KLKB1: variants seen among roughly 807,000 people sequenced by gnomAD.
The protein encoded by KLKB1 is kallikrein B1.
In KLKB1, 58 loss-of-function variants were observed where a neutral mutation model predicts 73.6. The ratio of observed to expected loss-of-function variants is 0.79; its 90% CI spans 0.64 to 0.98. The LOEUF (loss-of-function observed/expected upper bound fraction) is 0.98, where lower values mean the gene tolerates loss of function less well. Among genes scored for constraint, KLKB1 ranks in the 50% least tolerant of loss-of-function variants. The pLI, the probability that KLKB1 is intolerant of heterozygous loss-of-function variation, is 0.00. For synonymous variants in KLKB1, 280 were observed against 258.1 expected (o/e 1.08, Z -0.81); for missense variants, 737 against 763.8 (o/e 0.96, Z 0.41).
intron 11 of KLKB1, among the ~76,000 whole-genome samples, chr4:186,253,948 G>C (rs1250604198): frequency 6.6e-6 from 1 of 152,080 alleles, no homozygotes; most frequent in Non-Finnish European, 1.5e-5. Context: ...CGATTCTCCT[G>C]CCTCAGCCTC....
chr4:186,250,779 GT>G lies in KLKB1; in HGVS notation c.758+380del, dbSNP rs4253374. On this transcript the variant is annotated intron_variant, in intron 7 of 14. Coordinates refer to ENST00000264690, the MANE Select transcript of KLKB1 (RefSeq NM_000892.5). ...CTTAAGCTTGTTGCCTCTTCTCTTT[GT>G]TTCAGAAACTAGAGCCCTGTTTATT... Among the ~76,000 whole-genome samples, 1,372 of 152,220 alleles carry G rather than the reference GT, an allele frequency of 9.0e-3. 21 individuals are homozygous for G. The highest frequency in any genetic ancestry group is 0.031 in the African/African-American group (1,299 of 41,528).
chr4:186,220,043 A>G (rs1736998824), intron 2 of KLKB1, among the ~76,000 whole-genome samples: 1 of 152,184 alleles, frequency 6.6e-6, no homozygotes, highest in South Asian at 2.1e-4. Context: ...GTTTAATGGA[A>G]TCCTTGTTGT....
Position 186,251,264 on chromosome 4 carries a change from C to G in KLKB1, c.804C>G (p.Ser268=). Reference sequence around the variant, plus strand: ...CATCTGAAAGTGGCACACCAAGTTCCTCTACTCCTCAAGAAAACACCATAT... The same window carrying G: ...CATCTGAAAGTGGCACACCAAGTTCGTCTACTCCTCAAGAAAACACCATAT... ...LKTSESGTPS[S]STPQENTISG... is the part of the protein sequence containing the mutation. The change falls in exon 8 of 15, where the codon TCC becomes TCG. Residue 268 remains serine (S), a synonymous_variant. Coordinates refer to ENST00000264690, the MANE Select transcript of KLKB1 (RefSeq NM_000892.5). 1 of 1,612,428 alleles carries G rather than the reference C, an allele frequency of 6.2e-7. No homozygotes were observed. The highest frequency in any genetic ancestry group is 8.5e-7 in the Non-Finnish European group (1 of 1,178,684).
In KLKB1 at chr4:186,258,243, A is replaced by G. The variant is rs1188506289; in HGVS notation, c.*31A>G. 3 of 1,595,824 alleles carry G rather than the reference A, an allele frequency of 1.9e-6. No homozygotes were observed. In the Admixed American group the frequency reaches 5.1e-5, roughly 27 times the overall value. On this transcript the variant is annotated 3_prime_UTR_variant, in exon 15 of 15. Transcript: ENST00000264690. ...AGTCCAGAGTCTAGGCAATTTTTACAACCTGAGTTCAAGTCAAATTCTGAG... is the reference window on the plus strand; with the variant it reads ...AGTCCAGAGTCTAGGCAATTTTTACGACCTGAGTTCAAGTCAAATTCTGAG...
At chr4:186,221,926 T>C (rs1330766979), upstream of KLKB1, among the ~76,000 whole-genome samples, 1 of 152,226 alleles carries the variant, frequency 6.6e-6, no homozygotes, top group African/African-American at 2.4e-5. Flanking sequence ...ATTTGCTTTA[T>C]AGATTTAGAT....
At chr4:186,219,137 A>G (rs1371207007) in intron 2 of KLKB1, among the ~76,000 whole-genome samples, 1 of 152,130 alleles carries the variant, frequency 6.6e-6, no homozygotes, top group Non-Finnish European at 1.5e-5. Flanking sequence ...GGCAGCTGAG[A>G]TGGTGCCCAC....
At chr4:186,215,135 G>C (rs1736854515) in intron 2 of KLKB1, among the ~76,000 whole-genome samples, 1 of 151,944 alleles carries the variant, frequency 6.6e-6, no homozygotes, top group South Asian at 2.1e-4. Context: ...GATCTTATCG[G>C]GAAGAAAAAT....
rs1041364548 is a variant in KLKB1, at chr4:186,232,140, A to G, written c.72A>G (p.Gln24=). The change falls in exon 3 of 15, where the codon CAA becomes CAG. Residue 24 remains glutamine, a synonymous_variant. Coordinates refer to ENST00000264690, the MANE Select transcript of KLKB1 (RefSeq NM_000892.5). ...GTTCTGTCACAGGATGTCTGACTCA[A>G]CTCTATGAAAACGCCTTCTTCAGAG... ...FATVSCGCLT[Q]LYENAFFRGG... is the part of the protein sequence containing the mutation. The G allele has an allele frequency of 1.2e-6, 2 of 1,611,814 alleles. No homozygotes were observed. Among genetic ancestry groups the G allele is most frequent in the African/African-American group, 1.3e-5 (1 of 74,836 alleles).
At chr4:186,236,304 T>G (rs4253252) in intron 4 of KLKB1, among the ~76,000 whole-genome samples, 85,010 of 151,996 alleles carry the variant, frequency 0.56, 24,148 homozygotes, top group East Asian at 0.68. Flanking sequence ...TAATGATTGA[T>G]CTGGATGCAA....
upstream of KLKB1, among the ~76,000 whole-genome samples, chr4:186,225,177 G>A (rs1230520254): frequency 6.6e-6 from 1 of 152,100 alleles, no homozygotes; most frequent in Non-Finnish European, 1.5e-5. Flanking sequence ...GTGTGAAACT[G>A]GACTAATACA....
At position 186,252,186 on chromosome 4, in the gene KLKB1, GTA is replaced by G; in HGVS notation, c.1313+2_1313+3del. 6.2e-7 allele frequency: 1 copy of G among 1,613,464 alleles called. No homozygotes were observed. Among genetic ancestry groups the G allele is most frequent in the Non-Finnish European group, 8.5e-7 (1 of 1,179,920 alleles). Reference sequence around the variant, plus strand: ...TCACTGCTGCCCACTGCTTTGATGGGTAAGTGTTGGATGCATCTCATCCAGAG... The same window carrying G: ...TCACTGCTGCCCACTGCTTTGATGGGAGTGTTGGATGCATCTCATCCAGAG... On this transcript the variant is annotated splice_donor_variant and splice_donor_region_variant and intron_variant, in intron 11 of 14. Transcript: ENST00000264690. LOFTEE classifies it high-confidence loss of function.
intron 2 of KLKB1, among the ~76,000 whole-genome samples, chr4:186,220,685 T>A (rs960561419): frequency 6.6e-6 from 1 of 152,344 alleles, no homozygotes; most frequent in South Asian, 2.1e-4. Context: ...ATCCTTTTAA[T>A]GTGTTGTTGA....
chr4:186,219,226 A>C (rs1736977798), intron 2 of KLKB1, among the ~76,000 whole-genome samples: 2 of 152,118 alleles, frequency 1.3e-5, no homozygotes, highest in Admixed American at 6.6e-5. Context: ...TCACAGACAC[A>C]TCCAGGAACA....
At chr4:186,257,798 G>GCA (rs934749474) in intron 14 of KLKB1, among the ~76,000 whole-genome samples, 3 of 149,646 alleles carry the variant, frequency 2.0e-5, no homozygotes, top group Admixed American at 6.7e-5. Context: ...GCAAGGTCTT[G>GCA]CACACACACA....
intron 6 of KLKB1, among the ~76,000 whole-genome samples, chr4:186,238,764 C>T (rs1737841774): frequency 6.6e-6 from 1 of 152,178 alleles, no homozygotes; most frequent in Non-Finnish European, 1.5e-5. Flanking sequence ...CTGCTGATGT[C>T]TTGATTTTAG....
At chr4:186,235,955 A>T (rs1357463444) in intron 4 of KLKB1, among the ~76,000 whole-genome samples, 1 of 151,960 alleles carries the variant, frequency 6.6e-6, no homozygotes, top group Admixed American at 6.5e-5. Flanking sequence ...CTCTACTAAA[A>T]ATACAAAAAT....
At chr4:186,244,061 C>T (rs979204762) in intron 6 of KLKB1, among the ~76,000 whole-genome samples, 1 of 152,126 alleles carries the variant, frequency 6.6e-6, no homozygotes, top group African/African-American at 2.4e-5. Flanking sequence ...AGGGCGTGGT[C>T]CTGGCTCTTG....
intron 13 of KLKB1, among the ~76,000 whole-genome samples, chr4:186,256,586 T>A (rs551072774): frequency 6.6e-6 from 1 of 152,198 alleles, no homozygotes; most frequent in East Asian, 1.9e-4. Flanking sequence ...TTAGATTTTT[T>A]ATTGGTAATC....
chr4:186,236,037 C>G, intron 4 of KLKB1, among the ~76,000 whole-genome samples: 1 of 149,960 alleles, frequency 6.7e-6, no homozygotes. Context: ...TGGCGTGAAC[C>G]CGGGAGGCGG....
Sources: gnomAD v4.1 joint callset for allele counts (sites outside exome capture counted in the v4.1 genomes callset) on GRCh38, gnomAD v4.1.1 for gene constraint, MANE v1.5 for transcripts, NCBI Gene and HGNC (gene_info 2026-07-23, HGNC 2026-07-21) for gene names.